The following CSMD3 variants were observed in gnomAD, a reference collection of about 807,000 sequenced individuals.
CSMD3 encodes the protein CUB and sushi domain-containing protein 3.
Under a neutral mutation model 435.2 loss-of-function variants are expected in CSMD3, and 177 were observed. The ratio of observed to expected loss-of-function variants is 0.41; its 90% CI spans 0.36 to 0.46. The LOEUF is 0.46. Among genes scored for constraint, CSMD3 ranks in the 20% least tolerant of loss-of-function variants. The probability of loss-of-function intolerance (pLI) is 0.34; values close to 1 mark genes in which losing one functional copy is unlikely to be tolerated. For missense variants in CSMD3, 4,265 were observed against 4,504.6 expected (o/e 0.95, Z 1.52); for synonymous variants, 1,656 against 1,520.5 (o/e 1.09, Z -2.07).
chr8:113,312,749 C>A (rs1246193167), intron 2 of CSMD3: 1 of 152,100 alleles, frequency 6.6e-6, no homozygotes, highest in Non-Finnish European at 1.5e-5. Context: ...GTATTATTTG[C>A]ATTAACAAAA....
chr8:113,419,365 G>T (rs2094598753), intron 1 of CSMD3, among the ~76,000 whole-genome samples: 3 of 152,012 alleles, frequency 2.0e-5, no homozygotes, highest in African/African-American at 7.2e-5. Flanking sequence ...TAATCTACCT[G>T]CCTTGGCCTC....
chr8:113,066,015 C>A (rs1367743933), intron 5 of CSMD3, among the ~76,000 whole-genome samples: 1 of 146,206 alleles, frequency 6.8e-6, no homozygotes. Context: ...GATAAATAAA[C>A]AAATGGCAAT....
intron 3 of CSMD3, among the ~76,000 whole-genome samples, chr8:113,257,895 A>T (rs546406948): frequency 3.0e-4 from 45 of 152,212 alleles, no homozygotes; most frequent in African/African-American, 1.0e-3. Context: ...CTAAGAAAAA[A>T]ATTTTTTTTA....
chr8:113,374,849 C>CAAAAAAAAAAAAAAAAAAAAAAAA (rs1251115132), intron 1 of CSMD3, among the ~76,000 whole-genome samples: 1 of 21,010 alleles, frequency 4.8e-5, no homozygotes, highest in African/African-American at 1.2e-4. Context: ...AAAAAAAAAC[C>CAAAAAAAAAAAAAAAAAAAAAAAA]AATAAAATGA....
At chr8:113,391,429 T>C (rs1368528721) in intron 1 of CSMD3, among the ~76,000 whole-genome samples, 1 of 152,058 alleles carries the variant, frequency 6.6e-6, no homozygotes, top group Non-Finnish European at 1.5e-5. Context: ...AGATTTTGAA[T>C]ACATTTCTAA....
chr8:113,254,742 A>G (rs574850462), intron 3 of CSMD3, among the ~76,000 whole-genome samples: 9 of 149,312 alleles, frequency 6.0e-5, no homozygotes, highest in African/African-American at 2.3e-4. Flanking sequence ...TTTTAAATGA[A>G]GTATATAAAA....
chr8:112,576,571 C>G (rs962837885), intron 23 of CSMD3, among the ~76,000 whole-genome samples: 1 of 151,246 alleles, frequency 6.6e-6, no homozygotes, highest in Admixed American at 6.6e-5. Flanking sequence ...TGTCTGTTGC[C>G]CATGCTGGAG....
At chr8:112,525,826 A>AATAT (rs1166463752) in intron 27 of CSMD3, among the ~76,000 whole-genome samples, 7 of 135,332 alleles carry the variant, frequency 5.2e-5, no homozygotes, top group South Asian at 4.6e-4. Flanking sequence ...ACATATAAAA[A>AATAT]ATATATATAT....
chr8:113,182,602 T>C (rs1285137026), intron 3 of CSMD3, among the ~76,000 whole-genome samples: 1 of 151,874 alleles, frequency 6.6e-6, no homozygotes, highest in African/African-American at 2.4e-5. Flanking sequence ...TTAAATAAGA[T>C]ACCAGTTATT....
chr8:113,119,559 G>A (rs2090927899), intron 4 of CSMD3, among the ~76,000 whole-genome samples: 1 of 152,058 alleles, frequency 6.6e-6, no homozygotes, highest in Admixed American at 6.6e-5. Flanking sequence ...GATGCCCAAA[G>A]GAGGAAAAGA....
Position 112,287,111 on chromosome 8 carries a change from G to A in CSMD3, c.9284C>T (p.Thr3095Ile). ...GYILHGSEER[T>I]CLANGSWTGR... ...GGTCCAACTGCCATTAGCTAAACATGTTCTTTCTTCTGAGCCATGAAGGAT... is the reference window on the plus strand; with the variant it reads ...GGTCCAACTGCCATTAGCTAAACATATTCTTTCTTCTGAGCCATGAAGGAT... The change falls in exon 58 of 71, where the codon ACA (threonine) becomes ATA (isoleucine). Residue 3095 changes from threonine to isoleucine, a missense_variant. Transcript: ENST00000297405. The A allele has an allele frequency of 6.2e-7, 1 of 1,613,688 alleles. No homozygotes were observed.
intron 22 of CSMD3, among the ~76,000 whole-genome samples, chr8:112,610,362 A>G (rs1586801563): frequency 6.6e-6 from 1 of 151,076 alleles, no homozygotes; most frequent in Non-Finnish European, 1.5e-5. Flanking sequence ...AATGTTAAGG[A>G]GCCTCAGCAA....
At chr8:113,421,891 A>G (rs776071705) in intron 1 of CSMD3, among the ~76,000 whole-genome samples, 2 of 152,198 alleles carry the variant, frequency 1.3e-5, no homozygotes, top group African/African-American at 4.8e-5. Flanking sequence ...ATAGAATTTT[A>G]TCCATTTGCC....
intron 11 of CSMD3, among the ~76,000 whole-genome samples, chr8:112,849,761 A>G (rs2080432133): frequency 6.6e-6 from 1 of 151,812 alleles, no homozygotes. Flanking sequence ...GTAACAGAAA[A>G]CCATTTTGAC....
chr8:113,197,275 T>A (rs868789796), intron 3 of CSMD3, among the ~76,000 whole-genome samples: 149 of 151,268 alleles, frequency 9.9e-4, no homozygotes, highest in African/African-American at 3.2e-3. Context: ...TTGAAAATAC[T>A]GTATAGAATT....
intron 4 of CSMD3, among the ~76,000 whole-genome samples, chr8:113,142,608 G>A (rs2091574978): frequency 6.6e-6 from 1 of 151,122 alleles, no homozygotes; most frequent in African/African-American, 2.4e-5. Context: ...GTAGCAGGGA[G>A]AGGAGCTGGG....
At chr8:113,278,507 C>G (rs1588429884) in intron 3 of CSMD3, 85 bp downstream of exon 3, 1 of 733,176 alleles carries the variant, frequency 1.4e-6, no homozygotes, top group East Asian at 2.6e-5. Flanking sequence ...GATGTTGTCT[C>G]AAATGTTGAT....
At chr8:112,562,110 A>G (rs1828678596) in intron 24 of CSMD3, among the ~76,000 whole-genome samples, 1 of 151,636 alleles carries the variant, frequency 6.6e-6, no homozygotes, top group African/African-American at 2.4e-5. Context: ...TGTCCTCAAG[A>G]TTCAACCAAA....
rs1239977200 is a variant in CSMD3 at position 112,224,769 on chromosome 8, C to T, written c.*2G>A. ...CTTCTGAAGAAGGCAAAGGTTGCCTCGTTATACCATTGTGCAAACCGTGTT... is the reference window on the plus strand; with the variant it reads ...CTTCTGAAGAAGGCAAAGGTTGCCTTGTTATACCATTGTGCAAACCGTGTT... On this transcript the variant is annotated 3_prime_UTR_variant, in exon 71 of 71. Transcript: ENST00000297405. The T allele has an allele frequency of 1.2e-5, 20 of 1,613,842 alleles. No homozygotes were observed. Among genetic ancestry groups the T allele is most frequent in the Middle Eastern group, 1.6e-4 (1 of 6,084 alleles).
Sources: gnomAD v4.1 joint callset for allele counts (sites outside exome capture counted in the v4.1 genomes callset) on GRCh38, gnomAD v4.1.1 for gene constraint, MANE v1.5 for transcripts, NCBI Gene and HGNC (gene_info 2026-07-23, HGNC 2026-07-21) for gene names.